TGFBRAP1: variants seen among roughly 807,000 people sequenced by gnomAD.
TGFBRAP1 encodes the protein transforming growth factor-beta receptor-associated protein 1.
A neutral mutation model predicts 83.2 loss-of-function variants in TGFBRAP1; 20 were observed. The ratio of observed to expected loss-of-function variants is 0.24; its 90% CI spans 0.17 to 0.35. The LOEUF (loss-of-function observed/expected upper bound fraction) is 0.35. Ranked by LOEUF, TGFBRAP1 falls within the 10% of genes least tolerant of loss-of-function variation. The pLI, the probability that TGFBRAP1 is intolerant of heterozygous loss-of-function variation, is 1.00. For missense variants in TGFBRAP1, 950 were observed against 1,099.4 expected (o/e 0.86, Z 1.92); for synonymous variants, 415 against 459.8 (o/e 0.90, Z 1.25).
At chr2:105,268,765 G>A (rs1263475468) in intron 11 of TGFBRAP1, among the ~76,000 whole-genome samples, 2 of 152,214 alleles carry the variant, frequency 1.3e-5, no homozygotes, top group South Asian at 2.1e-4. Flanking sequence ...GAAGTCTCCC[G>A]AAGGTGAGTA....
rs201513561 is a variant in TGFBRAP1 at position 105,290,615 on chromosome 2, C to CCGTGTGTG, written c.1038+5740_1038+5741insCACACACG. On this transcript the variant is annotated intron_variant, in intron 4 of 11. Coordinates refer to ENST00000393359, the MANE Select transcript of TGFBRAP1 (RefSeq NM_004257.6). Reference sequence around the variant, plus strand: ...AGAGAGAAAGAGAGAAACAGAGAGACAGTGTGTGTGTGTGTGTGTGTGTGT... The same window carrying CCGTGTGTG: ...AGAGAGAAAGAGAGAAACAGAGAGACCGTGTGTGAGTGTGTGTGTGTGTGTGTGTGTGT... Among the ~76,000 whole-genome samples the CCGTGTGTG allele has an allele frequency of 1.3e-4, 13 of 103,864 alleles. No individual in the cohort carries two copies. The Admixed American group carries it at 1.3e-3, about 10-fold the overall frequency. 68.1% of individuals were successfully genotyped at this position (103,864 alleles called of 152,430 possible).
At chr2:105,274,454 T>C (rs1465164528) in intron 8 of TGFBRAP1, among the ~76,000 whole-genome samples, 1 of 152,236 alleles carries the variant, frequency 6.6e-6, no homozygotes, top group Non-Finnish European at 1.5e-5. Flanking sequence ...TGGATTTGTG[T>C]CCCAGCTCTA....
chr2:105,264,164 A>G (rs1363645348), downstream of TGFBRAP1, among the ~76,000 whole-genome samples: 1 of 152,244 alleles, frequency 6.6e-6, no homozygotes, highest in East Asian at 1.9e-4. Context: ...AAAGTAGATA[A>G]GAAGTAATCA....
Position 105,288,812 on chromosome 2 carries a change from T to C in TGFBRAP1, c.1039-4414A>G, listed in dbSNP as rs149653542. The stretch of plus-strand genomic sequence containing the variant: ...GGCAATGTGTCCTGATTGAATAAAT[T>C]TGTAAACAGGTGTGCATGTATATGT... On this transcript the variant is annotated intron_variant, in intron 4 of 11. Coordinates refer to ENST00000393359, the MANE Select transcript of TGFBRAP1 (RefSeq NM_004257.6). Among the ~76,000 whole-genome samples the C allele has an allele frequency of 3.7e-4, 57 of 152,324 alleles. No homozygotes were observed. The East Asian group carries it at 9.3e-3, about 25-fold the overall frequency.
intron 2 of TGFBRAP1, 112 bp from the exon 3 acceptor site, chr2:105,298,817 A>C: frequency 1.0e-6 from 1 of 966,008 alleles, no homozygotes; most frequent in Non-Finnish European, 1.5e-6. Context: ...TTTCCTGTAC[A>C]GTCTTATATT....
Position 105,269,179 on chromosome 2 carries a change from A to C in TGFBRAP1, c.2406+93T>G. 1 of 1,417,356 alleles carries C rather than the reference A, an allele frequency of 7.1e-7. No homozygotes were observed. Among genetic ancestry groups the C allele is most frequent in the Non-Finnish European group, 9.3e-7 (1 of 1,073,544 alleles). The allele number at this position is 1,417,356 out of a possible 1,614,324, so 87.8% of individuals were successfully genotyped here. ...TTGTAGTCATAGAGACAGAAAAAAGAAAAACCAACAAAGACTATTTTTCCA... is the reference window on the plus strand; with the variant it reads ...TTGTAGTCATAGAGACAGAAAAAAGCAAAACCAACAAAGACTATTTTTCCA... On this transcript the variant is annotated intron_variant, in intron 11 of 11. Transcript: ENST00000393359. The surrounding 1 kb of genome is among the most constrained non-coding windows in gnomAD (Gnocchi z 4.1).
At chr2:105,318,754 C>T (rs1678963946) in intron 1 of TGFBRAP1, among the ~76,000 whole-genome samples, 1 of 152,180 alleles carries the variant, frequency 6.6e-6, no homozygotes, top group Non-Finnish European at 1.5e-5. Flanking sequence ...CATAAACATA[C>T]CCTAGAAGGT....
chr2:105,308,034 T>C lies in TGFBRAP1; in HGVS notation c.268A>G (p.Arg90Gly). ...NELRAASALNRLLVLCDNSIS... is the reference protein window; with the variant it reads ...NELRAASALNGLLVLCDNSIS... ...GAGTTGTCACACAGCACCAGCAGCC[T>C]GTTGAGTGCTGAGGCCGCACGCAGC... Residue 90 changes from arginine (R) to glycine (G), a missense_variant, in exon 2 of 12, where the codon AGG becomes GGG. By Grantham distance (125) the Arg-to-Gly change is moderately radical. Coordinates refer to ENST00000393359, the MANE Select transcript of TGFBRAP1 (RefSeq NM_004257.6). 1 of 1,614,044 alleles carries C rather than the reference T, an allele frequency of 6.2e-7. No homozygotes were observed. The highest frequency in any genetic ancestry group is 8.5e-7 in the Non-Finnish European group (1 of 1,179,964).
intron 7 of TGFBRAP1, among the ~76,000 whole-genome samples, chr2:105,275,908 A>T (rs564717503): frequency 2.0e-5 from 3 of 148,536 alleles, no homozygotes; most frequent in East Asian, 3.9e-4. Flanking sequence ...TCCAAGAAAT[A>T]AAAAAAAAAA....
At chr2:105,292,325 C>A (rs900108135) in intron 4 of TGFBRAP1, among the ~76,000 whole-genome samples, 2 of 152,204 alleles carry the variant, frequency 1.3e-5, no homozygotes, top group African/African-American at 4.8e-5. Flanking sequence ...TGCTTGCTGA[C>A]TGCCTTCCGG....
At chr2:105,278,068 A>ATG (rs56983977) in intron 6 of TGFBRAP1, among the ~76,000 whole-genome samples, 7,650 of 145,350 alleles carry the variant, frequency 0.053, 202 homozygotes, top group Middle Eastern at 0.11. Context: ...CAAAAAATAT[A>ATG]TGTGTGTGTG....
At chr2:105,309,419 T>C (rs890283722) in intron 1 of TGFBRAP1, among the ~76,000 whole-genome samples, 1 of 152,206 alleles carries the variant, frequency 6.6e-6, no homozygotes, top group African/African-American at 2.4e-5. Context: ...CATGGAACAG[T>C]GCTGCTTCAT....
intron 8 of TGFBRAP1, among the ~76,000 whole-genome samples, chr2:105,275,027 A>G (rs1464407604): frequency 6.6e-6 from 1 of 152,180 alleles, no homozygotes; most frequent in Non-Finnish European, 1.5e-5. Context: ...TTTCACTGCC[A>G]GCATTTCTCA....
At chr2:105,258,962 C>T in the TGFBRAP1 span, among the ~76,000 whole-genome samples, 13 of 152,318 alleles carry the variant, frequency 8.5e-5, 1 homozygote, top group Admixed American at 5.2e-4. Flanking sequence ...AGGCGCAAAT[C>T]GAGCACAGAT....
At chr2:105,296,332 T>G (rs757846181) in intron 4 of TGFBRAP1, 24 bp downstream of exon 4, 1 of 1,612,642 alleles carries the variant, frequency 6.2e-7, no homozygotes, top group South Asian at 1.1e-5. Flanking sequence ...AGAGGCATAT[T>G]TCTGTGACCA....
intron 4 of TGFBRAP1, among the ~76,000 whole-genome samples, chr2:105,285,417 A>G (rs145177070): frequency 1.4e-3 from 208 of 152,358 alleles, no homozygotes; most frequent in African/African-American, 4.8e-3. Flanking sequence ...TCTTACAGGT[A>G]CAAAAACTCT....
chr2:105,292,609 G>A (rs1020008012), intron 4 of TGFBRAP1, among the ~76,000 whole-genome samples: 4 of 151,034 alleles, frequency 2.6e-5, no homozygotes, highest in Non-Finnish European at 4.4e-5. Flanking sequence ...ACAGTGGGAA[G>A]GGAAAGAAAG....
chr2:105,280,937 G>C (rs188294771), intron 5 of TGFBRAP1, among the ~76,000 whole-genome samples: 51 of 152,230 alleles, frequency 3.4e-4, no homozygotes, highest in Non-Finnish European at 6.9e-4. Context: ...AAAAAGAACA[G>C]AAGGGACGAA....
At chr2:105,289,227 CT>C (rs1486848846) in intron 4 of TGFBRAP1, among the ~76,000 whole-genome samples, 8 of 151,898 alleles carry the variant, frequency 5.3e-5, no homozygotes, top group African/African-American at 1.9e-4. Flanking sequence ...GCCAAACTCT[CT>C]TGGGAAGGAT....
Sources: allele counts gnomAD v4.1 joint callset (sites outside exome capture counted in the v4.1 genomes callset), GRCh38; gene constraint gnomAD v4.1.1; non-coding constraint Gnocchi (gnomAD v3.1); transcripts MANE v1.5; gene names NCBI Gene and HGNC (gene_info 2026-07-23, HGNC 2026-07-21).